LTBP2: variants seen among roughly 807,000 people sequenced by gnomAD.
LTBP2 encodes the protein latent-transforming growth factor beta-binding protein 2.
In LTBP2, 103 loss-of-function variants were observed where a neutral mutation model predicts 210.6. The observed-to-expected ratio is 0.49, with a 90% CI of 0.42 to 0.58. LTBP2 has a LOEUF of 0.58. Among genes scored for constraint, LTBP2 ranks in the 20% least tolerant of loss-of-function variants. LTBP2 has a pLI of 0.00. For missense variants in LTBP2, 2,313 were observed against 2,494.5 expected, an observed-to-expected ratio of 0.93 and a Z score of 1.55; for synonymous variants, 1,007 against 1,015.0, an observed-to-expected ratio of 0.99 and a Z score of 0.15.
At position 74,506,762 on chromosome 14, in the gene LTBP2, A is replaced by T. The variant is rs201954562; in HGVS notation, c.3969T>A (p.Asp1323Glu). The change falls in exon 27 of 36, where the codon GAT (aspartate) becomes GAA (glutamate). Residue 1323 changes from aspartate to glutamate, a missense_variant. Around this residue, in one of 3 missense-constraint regions of LTBP2, gnomAD observed 1,867 missense variants for 1,976.9 expected, o/e 0.94. Transcript: ENST00000261978. ...CGSHGFCDNT[D>E]GSFRCLCDQG... Reference sequence around the variant, plus strand: ...GGTCACAGAGGCAGCGGAAGGAGCCATCAGTGTTGTCACAGAAGCCGTGGC... The same window carrying T: ...GGTCACAGAGGCAGCGGAAGGAGCCTTCAGTGTTGTCACAGAAGCCGTGGC... 37 of 1,614,038 alleles carry T rather than the reference A, an allele frequency of 2.3e-5. No homozygotes were observed. In the African/African-American group the frequency reaches 4.1e-4, roughly 18 times the overall value.
rs777203280 is a variant in LTBP2 at position 74,511,340 on chromosome 14, C to A, written c.2933G>T (p.Gly978Val). 1.2e-6 allele frequency: 2 copies of A among 1,614,104 alleles called. No homozygotes were observed. The highest frequency in any genetic ancestry group is 1.7e-6 in the Non-Finnish European group (2 of 1,180,004). ...GACGCATCTCCCATCAGGGCAGGTA[C>A]CGGGGTGACGGCATTCGTTGATATC... Reference protein sequence around the residue: ...CQDINECRHPGTCPDGRCVNS... With the variant: ...CQDINECRHPVTCPDGRCVNS... Residue 978 changes from glycine (G) to valine (V), a missense_variant, in exon 19 of 36, where the codon GGT becomes GTT. Physicochemically the swap from Gly to Val is moderately radical, Grantham distance 109. This residue lies in a region of LTBP2 where 1,867 missense variants were observed against 1,976.9 expected (regional missense o/e 0.94). Transcript: ENST00000261978.
intron 18 of LTBP2, among the ~76,000 whole-genome samples, chr14:74,511,716 G>A (rs1243529875): frequency 6.6e-6 from 1 of 152,204 alleles, no homozygotes. Flanking sequence ...TTTATAAGCA[G>A]TGACCATTAC....
Position 74,586,859 on chromosome 14 carries a change from G to A in LTBP2, c.566-741C>T, listed in dbSNP as rs111432123. The stretch of plus-strand genomic sequence containing the variant: ...GAATATAGCTGCCGGCACCACAGCC[G>A]CTGCCGGCCAGGTAAGTGCCCCGCT... On this transcript the variant is annotated intron_variant, in intron 2 of 35. Transcript: ENST00000261978. This position sits in a 1 kb window ranked among gnomAD's most constrained non-coding sequence, Gnocchi z 4.6. Among the ~76,000 whole-genome samples, 184 of 152,296 alleles carry A rather than the reference G, an allele frequency of 1.2e-3. No homozygotes were observed. Among genetic ancestry groups the A allele is most frequent in the Admixed American group, 3.5e-3 (53 of 15,306 alleles).
chr14:74,544,475 A>G (rs1029703185), intron 8 of LTBP2, among the ~76,000 whole-genome samples: 2 of 152,202 alleles, frequency 1.3e-5, no homozygotes, highest in Non-Finnish European at 2.9e-5. Flanking sequence ...CCTGGCACTT[A>G]TAAGTACTCT....
chr14:74,515,231 A>T (rs1595246793), intron 18 of LTBP2, among the ~76,000 whole-genome samples: 2 of 150,750 alleles, frequency 1.3e-5, no homozygotes, highest in East Asian at 3.9e-4. Context: ...CCCTTCACAC[A>T]GACTGGTTAA....
In LTBP2 at chr14:74,498,561, A is replaced by C. The variant is rs2086876078; in HGVS notation, c.*2323T>G. 4.4e-6 allele frequency: 1 copy of C among 228,056 alleles called. No homozygotes were observed. Among genetic ancestry groups the C allele is most frequent in the Non-Finnish European group, 8.7e-6 (1 of 114,836 alleles). 14.1% of individuals were successfully genotyped at this position (228,056 alleles called of 1,614,324 possible). A position where few individuals can be genotyped will look rare whatever the true frequency, so the allele number is the denominator to read the frequency against. ...AAAAGCAAAGTGCAGAACAGCATGC[A>C]TAGTATGCTATTTGTATTTTAAACA... On this transcript the variant is annotated 3_prime_UTR_variant, in exon 36 of 36. Transcript: ENST00000261978.
At chr14:74,550,584 G>C (rs529305725) in intron 7 of LTBP2, among the ~76,000 whole-genome samples, 182 of 152,320 alleles carry the variant, frequency 1.2e-3, no homozygotes, top group African/African-American at 4.1e-3. Context: ...ATTATGAGCT[G>C]AGGATGGTTC....
chr14:74,557,471 C>G (rs2087744052), intron 3 of LTBP2, among the ~76,000 whole-genome samples: 1 of 152,184 alleles, frequency 6.6e-6, no homozygotes, highest in African/African-American at 2.4e-5. Flanking sequence ...TTTGAATAAG[C>G]ACAAAGTGGT....
In LTBP2 at chr14:74,550,027, G is replaced by T; in HGVS notation, c.1687-62C>A. The T allele has an allele frequency of 6.4e-6, 7 of 1,097,118 alleles. No homozygotes were observed. The South Asian group carries it at 8.7e-5, about 14-fold the overall frequency. The allele number at this position is 1,097,118 out of a possible 1,614,324, so 68.0% of individuals were successfully genotyped here. A position where few individuals can be genotyped will look rare whatever the true frequency, so the allele number is the denominator to read the frequency against. On this transcript the variant is annotated intron_variant, in intron 7 of 35. Coordinates refer to ENST00000261978, the MANE Select transcript of LTBP2 (RefSeq NM_000428.3). ...CCTTCCCTCCCAGGCTGTGCACAGA[G>T]ATGTCCCGGGAAAGCCTAGGACACA...
At chr14:74,549,565 G>T (rs2087622037) in intron 8 of LTBP2, among the ~76,000 whole-genome samples, 1 of 152,158 alleles carries the variant, frequency 6.6e-6, no homozygotes, top group Admixed American at 6.5e-5. Flanking sequence ...ATCTGGGAGG[G>T]GTGTGCAGGG....
intron 3 of LTBP2, among the ~76,000 whole-genome samples, chr14:74,579,886 G>A (rs878951516): frequency 6.6e-6 from 1 of 152,174 alleles, no homozygotes; most frequent in Admixed American, 6.5e-5. Flanking sequence ...GTAGACAGCC[G>A]ATTGTAGACG....
intron 1 of LTBP2, among the ~76,000 whole-genome samples, chr14:74,606,190 T>C (rs1236730896): frequency 6.6e-6 from 1 of 152,212 alleles, no homozygotes. Flanking sequence ...GGAACACATC[T>C]GGCTAGCAGT....
chr14:74,612,184 C>T lies in LTBP2; in HGVS notation c.-240G>A. On this transcript the variant is annotated 5_prime_UTR_variant, in exon 1 of 36. Coordinates refer to ENST00000261978, the MANE Select transcript of LTBP2 (RefSeq NM_000428.3). ...TCGCACGGCTGCTGCACCTTCGCGC[C>T]TCCTCCCTGTGCCTGCAGCCGTCTG... The T allele has an allele frequency of 2.0e-6, 1 of 497,008 alleles. No individual in the cohort carries two copies. Among genetic ancestry groups the T allele is most frequent in the Non-Finnish European group, 3.5e-6 (1 of 286,356 alleles). The allele number at this position is 497,008 out of a possible 1,614,324, so 30.8% of individuals were successfully genotyped here.
Position 74,522,903 on chromosome 14 carries a change from G to A in LTBP2, c.2546C>T (p.Ala849Val). 1 of 1,612,188 alleles carries A rather than the reference G, an allele frequency of 6.2e-7. No homozygotes were observed. Among genetic ancestry groups the A allele is most frequent in the Non-Finnish European group, 8.5e-7 (1 of 1,179,476 alleles). Residue 849 changes from alanine (A) to valine (V), a missense_variant, in exon 16 of 36, where the codon GCT becomes GTT. Around this residue, in one of 3 missense-constraint regions of LTBP2, gnomAD observed 1,867 missense variants for 1,976.9 expected, o/e 0.94. Transcript: ENST00000261978. ...TLSTPGIDRC[A>V]AGATNVCGPG... ...GCCACAGACGTTGGTGGCTCCAGCA[G>A]CGCATCTGTCAATGCCTGTGGGAGA...
chr14:74,549,856 C>G lies in LTBP2; in HGVS notation c.1789+7G>C. 1 of 1,611,704 alleles carries G rather than the reference C, an allele frequency of 6.2e-7. No homozygotes were observed. Among genetic ancestry groups the G allele is most frequent in the South Asian group, 1.1e-5 (1 of 91,036 alleles). ...CACAACACGTGACCTTGGACTCCAGCACTCACCTGGTCTGGGTGGGCATGG... is the reference window on the plus strand; with the variant it reads ...CACAACACGTGACCTTGGACTCCAGGACTCACCTGGTCTGGGTGGGCATGG... On this transcript the variant is annotated splice_region_variant and intron_variant, in intron 8 of 35. Transcript: ENST00000261978.
At position 74,551,068 on chromosome 14, in the gene LTBP2, C is replaced by T; in HGVS notation, c.1682G>A (p.Gly561Glu). 6.2e-7 allele frequency: 1 copy of T among 1,613,742 alleles called. No homozygotes were observed. ...AGGCCAGAGCTGTGTTCTCACCTGTCCGTTCACAGTGTTCAGGTAACACCG... is the reference window on the plus strand; with the variant it reads ...AGGCCAGAGCTGTGTTCTCACCTGTTCGTTCACAGTGTTCAGGTAACACCG... ...LGRCYLNTVN[G>E]QCANPLLELT... The change falls in exon 7 of 36, where the codon GGA (glycine) becomes GAA (glutamate). Residue 561 changes from glycine to glutamate, a missense_variant. This residue lies in a region of LTBP2 where 1,867 missense variants were observed against 1,976.9 expected (regional missense o/e 0.94). Coordinates refer to ENST00000261978, the MANE Select transcript of LTBP2 (RefSeq NM_000428.3).
chr14:74,525,353 C>T (rs1435958293), intron 14 of LTBP2, 128 bp from the exon 15 acceptor site: 5 of 428,418 alleles, frequency 1.2e-5, no homozygotes, highest in Non-Finnish European at 2.1e-5. Context: ...CCCATGCCTT[C>T]CAGTCTCCTG....
chr14:74,594,820 G>A (rs2088335500), intron 2 of LTBP2, among the ~76,000 whole-genome samples: 1 of 152,140 alleles, frequency 6.6e-6, no homozygotes, highest in South Asian at 2.1e-4. Flanking sequence ...ATCCACCCTC[G>A]GAATCCACCT....
Position 74,509,834 on chromosome 14 carries a change from G to C in LTBP2, c.3177C>G (p.Ala1059=). ...TGAGGCAGAGGCCTGTGGGGCATGA[G>C]GCCCGGCTGGCACACTCATCCACAT... The part of the protein sequence containing the change: ...CQDVDECASR[A]SCPTGLCLNT... Residue 1059 remains alanine (A), a synonymous_variant, in exon 21 of 36, where the codon GCC becomes GCG. Transcript: ENST00000261978. 1 of 1,613,996 alleles carries C rather than the reference G, an allele frequency of 6.2e-7. No individual in the cohort carries two copies. The highest frequency in any genetic ancestry group is 8.5e-7 in the Non-Finnish European group (1 of 1,180,016).
Sources: allele counts gnomAD v4.1 joint callset (sites outside exome capture counted in the v4.1 genomes callset), GRCh38; gene constraint gnomAD v4.1.1; regional missense constraint gnomAD v4.1.1; non-coding constraint Gnocchi (gnomAD v3.1); transcripts MANE v1.5; gene names NCBI Gene and HGNC (gene_info 2026-07-23, HGNC 2026-07-21).